The following C12orf42 variants were observed in gnomAD, a reference collection of about 807,000 sequenced individuals.
C12orf42 encodes the protein uncharacterized protein C12orf42.
C12orf42 carries 25 observed loss-of-function variants against 21.6 expected under a neutral mutation model. That is an observed-to-expected ratio of 1.16 (90% confidence interval 0.84 to 1.62). The LOEUF (loss-of-function observed/expected upper bound fraction) is 1.62, where lower values mean the gene tolerates loss of function less well. Among genes scored for constraint, C12orf42 ranks in the 40% most tolerant of loss-of-function variants. The probability of loss-of-function intolerance (pLI) is 0.00; values close to 1 mark genes in which losing one functional copy is unlikely to be tolerated. For synonymous variants in C12orf42, 174 were observed against 175.0 expected, an observed-to-expected ratio of 0.99 and a Z score of 0.05; for missense variants, 483 against 459.3, an observed-to-expected ratio of 1.05 and a Z score of -0.47.
chr12:103,486,189 T>C (rs948428167), intron 1 of C12orf42, among the ~76,000 whole-genome samples: 50 of 152,352 alleles, frequency 3.3e-4, no homozygotes, highest in African/African-American at 1.1e-3. Flanking sequence ...CGAAGCGCTG[T>C]TGAATTTTCT....
At chr12:103,161,439 G>A in the C12orf42 span, 1 of 151,468 alleles carries the variant, frequency 6.6e-6, no homozygotes, top group Non-Finnish European at 1.5e-5. Context: ...TCCCTCTCTT[G>A]TAGATTTTTA....
At chr12:103,258,026 G>A (rs1010490760) in intron 10 of C12orf42, among the ~76,000 whole-genome samples, 2 of 152,032 alleles carry the variant, frequency 1.3e-5, no homozygotes, top group Admixed American at 6.6e-5. Flanking sequence ...ACAGCAACAC[G>A]TTATTTCTGA....
At chr12:103,048,161 G>C in the C12orf42 span, among the ~76,000 whole-genome samples, 1 of 151,786 alleles carries the variant, frequency 6.6e-6, no homozygotes, top group South Asian at 2.1e-4. Context: ...ATGAGGCCGT[G>C]AGAATGGAAA....
the C12orf42 span, among the ~76,000 whole-genome samples, chr12:103,540,635 CA>C: frequency 3.3e-5 from 5 of 152,160 alleles, no homozygotes; most frequent in Admixed American, 2.6e-4. Context: ...CCTGCTATAT[CA>C]TTTCCTATCC....
At chr12:103,405,876 G>A (rs1021753424) in intron 2 of C12orf42, among the ~76,000 whole-genome samples, 2 of 152,040 alleles carry the variant, frequency 1.3e-5, no homozygotes, top group African/African-American at 2.4e-5. Context: ...CCAAGCAGAG[G>A]ATCAAGACAT....
intron 4 of C12orf42, among the ~76,000 whole-genome samples, chr12:103,287,615 T>G (rs1454629430): frequency 6.7e-6 from 1 of 149,588 alleles, no homozygotes; most frequent in Non-Finnish European, 1.5e-5. Context: ...AAATGACGAG[T>G]TAATGAGTGC....
the C12orf42 span, among the ~76,000 whole-genome samples, chr12:103,093,853 C>T: frequency 5.9e-4 from 90 of 152,312 alleles, no homozygotes; most frequent in African/African-American, 2.0e-3. Flanking sequence ...ACTTAGATGT[C>T]CTAAGTCCTA....
At chr12:103,295,244 C>T (rs1245736901) in intron 4 of C12orf42, among the ~76,000 whole-genome samples, 1 of 152,128 alleles carries the variant, frequency 6.6e-6, no homozygotes, top group Non-Finnish European at 1.5e-5. Flanking sequence ...GTTACAAAAA[C>T]ATTACCTCAT....
the C12orf42 span, among the ~76,000 whole-genome samples, chr12:103,070,204 C>G: frequency 6.6e-6 from 1 of 152,168 alleles, no homozygotes; most frequent in Non-Finnish European, 1.5e-5. Flanking sequence ...CAGCTCATTT[C>G]TCTGCACCTC....
intron 4 of C12orf42, among the ~76,000 whole-genome samples, chr12:103,319,931 T>C (rs747727967): frequency 2.0e-5 from 3 of 152,204 alleles, no homozygotes; most frequent in African/African-American, 2.4e-5. Context: ...AGAGGGCATA[T>C]TGGCAAAGCA....
At chr12:103,481,701 C>T (rs1226980817) in intron 1 of C12orf42, among the ~76,000 whole-genome samples, 2 of 150,996 alleles carry the variant, frequency 1.3e-5, no homozygotes, top group Non-Finnish European at 3.0e-5. Context: ...AAGTTTAGCC[C>T]TTTTCTGTTT....
rs972272956 is a variant in C12orf42 at position 103,302,009 on chromosome 12, G to A, written c.*99C>T. On this transcript the variant is annotated 3_prime_UTR_variant, in exon 6 of 6. Transcript: ENST00000548883. ...AATGCTTCACAAAAGCCTAACAATG[G>A]TTCTGTGGAAACCAGTACATCTGAG... is the stretch of plus-strand genomic sequence containing the variant. 2 of 1,310,422 alleles carry A rather than the reference G, an allele frequency of 1.5e-6. No individual in the cohort carries two copies. Among genetic ancestry groups the A allele is most frequent in the African/African-American group, 3.0e-5 (2 of 67,340 alleles). 81.2% of individuals were successfully genotyped at this position (1,310,422 alleles called of 1,614,324 possible).
chr12:103,342,231 C>T (rs1024422011), intron 4 of C12orf42, among the ~76,000 whole-genome samples: 2 of 152,138 alleles, frequency 1.3e-5, no homozygotes, highest in African/African-American at 4.8e-5. Context: ...TTGATGGGCT[C>T]CTCAACCTTT....
chr12:103,276,539 T>C (rs562651686), intron 5 of C12orf42, among the ~76,000 whole-genome samples: 56 of 152,324 alleles, frequency 3.7e-4, no homozygotes, highest in African/African-American at 1.3e-3. Context: ...GGTTCTGCCA[T>C]TGTGCTTTTT....
intron 4 of C12orf42, among the ~76,000 whole-genome samples, chr12:103,284,734 G>T (rs1029815167): frequency 2.6e-5 from 4 of 152,138 alleles, no homozygotes; most frequent in African/African-American, 9.7e-5. Flanking sequence ...TACCTGGAAG[G>T]CGGCTCTATG....
the C12orf42 span, among the ~76,000 whole-genome samples, chr12:103,182,505 G>A: frequency 6.6e-6 from 1 of 152,206 alleles, no homozygotes; most frequent in East Asian, 1.9e-4. Flanking sequence ...CCATGTGATA[G>A]CATTGCATTC....
At chr12:103,369,842 C>A (rs1380538371) in intron 3 of C12orf42, among the ~76,000 whole-genome samples, 1 of 151,980 alleles carries the variant, frequency 6.6e-6, no homozygotes, top group African/African-American at 2.4e-5. Context: ...GAGAAAGACA[C>A]CAAAAGCAAT....
chr12:103,232,935 G>C (rs1286411896), downstream of C12orf42, among the ~76,000 whole-genome samples: 1 of 152,034 alleles, frequency 6.6e-6, no homozygotes, highest in Non-Finnish European at 1.5e-5. Context: ...CCTATTGGGG[G>C]GGTATATGTG....
the C12orf42 span, chr12:103,557,779 C>T: frequency 6.6e-6 from 1 of 152,160 alleles, no homozygotes; most frequent in African/African-American, 2.4e-5. Flanking sequence ...CTAAGAATTT[C>T]CCCAAGCTGT....
Sources: gnomAD v4.1 joint callset for allele counts (sites outside exome capture counted in the v4.1 genomes callset) on GRCh38, gnomAD v4.1.1 for gene constraint, MANE v1.5 for transcripts, NCBI Gene and HGNC (gene_info 2026-07-23, HGNC 2026-07-21) for gene names.